DNAH14: variants seen among roughly 807,000 people sequenced by gnomAD.
DNAH14 encodes axonemal beta dynein heavy chain 14.
A neutral mutation model predicts 520.9 loss-of-function variants in DNAH14; 478 were observed. That is an observed-to-expected ratio of 0.92 (90% CI 0.85 to 0.99). The LOEUF (loss-of-function observed/expected upper bound fraction) is 0.99, where lower values mean the gene tolerates loss of function less well. Among genes scored for constraint, DNAH14 ranks in the 50% least tolerant of loss-of-function variants. The pLI is 0.00. For missense variants in DNAH14, 4,831 were observed against 5,234.5 expected, an observed-to-expected ratio of 0.92 and a Z score of 2.38; for synonymous variants, 1,581 against 1,757.2, an observed-to-expected ratio of 0.90 and a Z score of 2.51.
chr1:225,011,132 T>G (rs1342867783), intron 10 of DNAH14, among the ~76,000 whole-genome samples: 4 of 152,190 alleles, frequency 2.6e-5, no homozygotes, highest in Admixed American at 2.6e-4. Flanking sequence ...ATTTCTTGTC[T>G]TCTGCTAACT....
intron 35 of DNAH14, among the ~76,000 whole-genome samples, chr1:225,166,964 A>G (rs1422709376): frequency 6.6e-6 from 1 of 152,192 alleles, no homozygotes; most frequent in Non-Finnish European, 1.5e-5. Flanking sequence ...TCCCAACCCT[A>G]CGATCTGTGC....
intron 23 of DNAH14, among the ~76,000 whole-genome samples, chr1:225,101,629 G>GT (rs770390639): frequency 1.1e-4 from 17 of 151,750 alleles, no homozygotes; most frequent in East Asian, 5.8e-4. Context: ...TTTGTGCCTG[G>GT]TTTTTTTTAC....
rs186406917 is a variant in DNAH14, at chr1:225,042,281, G to A, written c.1489-554G>A. 2.3e-3 allele frequency among the ~76,000 whole-genome samples: 345 copies of A among 152,258 alleles called. 1 individual carries two copies. The highest frequency in any genetic ancestry group is 8.0e-3 in the African/African-American group (333 of 41,542). ...TGTAGGAAGGAACAGTAGATTAATT[G>A]AGAACCCAAGCCCAGACAGAGCCTA... On this transcript the variant is annotated intron_variant, in intron 12 of 85. Transcript: ENST00000682510.
At chr1:225,380,415 C>CTG in intron 80 of DNAH14, 93 bp downstream of exon 80, 3 of 1,351,930 alleles carry the variant, frequency 2.2e-6, no homozygotes, top group Non-Finnish European at 2.9e-6. Flanking sequence ...GACAAAAATT[C>CTG]TGTAGAAGTG....
chr1:225,312,912 A>G (rs1456525594), intron 60 of DNAH14, among the ~76,000 whole-genome samples: 1 of 151,856 alleles, frequency 6.6e-6, no homozygotes, highest in African/African-American at 2.4e-5. Flanking sequence ...TTCTTTTTTC[A>G]TGGTGTCTCT....
At position 225,050,168 on chromosome 1, in the gene DNAH14, A is replaced by G. The variant is rs549341201; in HGVS notation, c.1913-42A>G. 268 of 1,485,078 alleles carry G rather than the reference A, an allele frequency of 1.8e-4. 1 individual carries two copies. The South Asian group carries it at 3.0e-3, about 17-fold the overall frequency. The allele number at this position is 1,485,078 out of a possible 1,614,324, so 92.0% of individuals were successfully genotyped here. A position where few individuals can be genotyped will look rare whatever the true frequency, so the allele number is the denominator to read the frequency against. On this transcript the variant is annotated intron_variant, in intron 15 of 85. Coordinates refer to ENST00000682510, the MANE Select transcript of DNAH14 (RefSeq NM_001367479.1). ...GGATAATTTTGAAGTGTTGCTTTCAATGGCATTTCTGAAGTACTGACTTTT... is the reference window on the plus strand; with the variant it reads ...GGATAATTTTGAAGTGTTGCTTTCAGTGGCATTTCTGAAGTACTGACTTTT...
In DNAH14 at chr1:225,367,876, G is replaced by A; in HGVS notation, c.12162G>A (p.Glu4054=). The change falls in exon 77 of 86, where the codon GAG becomes GAA. Residue 4054 remains glutamate (E), a synonymous_variant. Transcript: ENST00000682510. Reference sequence around the variant, plus strand: ...CATTTGGATGTACTGGGAGTGGAGAGGTAACAGAAGAGATATTTGAAAATC... The same window carrying A: ...CATTTGGATGTACTGGGAGTGGAGAAGTAACAGAAGAGATATTTGAAAATC... The part of the protein sequence containing the change: ...LQTFGCTGSG[E]VTEEIFENPD... 6.4e-7 allele frequency: 1 copy of A among 1,551,586 alleles called. No individual in the cohort carries two copies. Among genetic ancestry groups the A allele is most frequent in the Non-Finnish European group, 8.7e-7 (1 of 1,146,894 alleles).
intron 1 of DNAH14, among the ~76,000 whole-genome samples, chr1:224,947,944 C>T (rs1558485080): frequency 6.6e-6 from 1 of 151,816 alleles, no homozygotes; most frequent in Non-Finnish European, 1.5e-5. Context: ...ACAGTATGAT[C>T]CAGTAGGTGG....
chr1:225,377,526 G>T, intron 79 of DNAH14, 90 bp downstream of exon 79: 1 of 1,279,576 alleles, frequency 7.8e-7, no homozygotes, highest in Non-Finnish European at 1.1e-6. Flanking sequence ...TTGGGAGGCT[G>T]AGGTGGACAG....
At chr1:225,044,645 G>A (rs2067776419) in intron 15 of DNAH14, among the ~76,000 whole-genome samples, 1 of 152,156 alleles carries the variant, frequency 6.6e-6, no homozygotes, top group Non-Finnish European at 1.5e-5. Context: ...CAAACTGGCT[G>A]AAAGGTAGTC....
At chr1:225,064,508 A>G (rs1004084490) in intron 17 of DNAH14, among the ~76,000 whole-genome samples, 3 of 152,024 alleles carry the variant, frequency 2.0e-5, no homozygotes, top group Non-Finnish European at 4.4e-5. Flanking sequence ...ACCTGAAAAC[A>G]ATCCAAGTGT....
intron 3 of DNAH14, 38 bp from the exon 4 acceptor site, chr1:224,960,115 C>A: frequency 6.6e-7 from 1 of 1,517,154 alleles, no homozygotes; most frequent in South Asian, 1.3e-5. Context: ...ATTTACAGCT[C>A]ACACTAGTTA....
chr1:225,315,760 C>T (rs530812815), intron 60 of DNAH14, among the ~76,000 whole-genome samples: 18 of 152,228 alleles, frequency 1.2e-4, no homozygotes, highest in African/African-American at 2.9e-4. Context: ...GTATCACCAG[C>T]GAAGGCTGCA....
At chr1:224,986,664 A>G (rs527520021) in intron 8 of DNAH14, among the ~76,000 whole-genome samples, 9 of 152,348 alleles carry the variant, frequency 5.9e-5, no homozygotes, top group Non-Finnish European at 1.0e-4. Flanking sequence ...TGGCTATAAA[A>G]TGGAACATAC....
At chr1:225,058,053 T>C (rs2069402635) in intron 17 of DNAH14, among the ~76,000 whole-genome samples, 1 of 152,290 alleles carries the variant, frequency 6.6e-6, no homozygotes, top group Admixed American at 6.5e-5. Flanking sequence ...ATAAAATGAG[T>C]TAGGGAGGAT....
intron 43 of DNAH14, among the ~76,000 whole-genome samples, chr1:225,243,002 C>T (rs1417766059): frequency 6.6e-6 from 1 of 152,158 alleles, no homozygotes; most frequent in African/African-American, 2.4e-5. Context: ...CTATTTAAGA[C>T]ATCTGGATGG....
chr1:225,118,009 A>T lies in DNAH14; in HGVS notation c.4091+10A>T. 6 of 1,509,976 alleles carry T rather than the reference A, an allele frequency of 4.0e-6. No homozygotes were observed. Among genetic ancestry groups the T allele is most frequent in the Non-Finnish European group, 5.4e-6 (6 of 1,109,120 alleles). 93.5% of individuals were successfully genotyped at this position (1,509,976 alleles called of 1,614,324 possible). ...GTCTCGTGCTGCCAAAGTATGATAA[A>T]TGTTACAAACTGTTTAGATTCTGTA... On this transcript the variant is annotated intron_variant, in intron 25 of 85. Coordinates refer to ENST00000682510, the MANE Select transcript of DNAH14 (RefSeq NM_001367479.1).
At chr1:225,335,821 A>G (rs549609414) in intron 66 of DNAH14, among the ~76,000 whole-genome samples, 4 of 125,632 alleles carry the variant, frequency 3.2e-5, no homozygotes, top group African/African-American at 9.2e-5. Flanking sequence ...ATATGTACAT[A>G]CACATATGTA....
intron 8 of DNAH14, among the ~76,000 whole-genome samples, chr1:224,991,769 G>T (rs1167116097): frequency 6.6e-6 from 1 of 152,024 alleles, no homozygotes; most frequent in Non-Finnish European, 1.5e-5. Flanking sequence ...TGGTGTATAT[G>T]TACCACATTT....
Sources: gnomAD v4.1 joint callset for allele counts (sites outside exome capture counted in the v4.1 genomes callset) on GRCh38, gnomAD v4.1.1 for gene constraint, MANE v1.5 for transcripts, NCBI Gene and HGNC (gene_info 2026-07-23, HGNC 2026-07-21) for gene names.